STPG2: variants seen among roughly 807,000 people sequenced by gnomAD.
STPG2 encodes the protein sperm tail PG-rich repeat containing 2, also known as sperm-tail PG-rich repeat-containing protein 2.
A neutral mutation model predicts 54.2 loss-of-function variants in STPG2; 56 were observed. That is an observed-to-expected ratio of 1.03 (90% CI 0.83 to 1.29). The LOEUF (loss-of-function observed/expected upper bound fraction) is 1.29, where lower values mean the gene tolerates loss of function less well. STPG2 is among the 50% of genes most tolerant of loss of function. The pLI is 0.00. For synonymous variants in STPG2, 200 were observed against 181.8 expected (o/e 1.10, Z -0.81); for missense variants, 596 against 544.9 (o/e 1.09, Z -0.93).
chr4:97,627,050 C>T (rs1734154216), intron 10 of STPG2, among the ~76,000 whole-genome samples: 2 of 152,046 alleles, frequency 1.3e-5, no homozygotes, highest in South Asian at 4.1e-4. Flanking sequence ...CATGCTCTAC[C>T]AAATCCAACA....
chr4:97,973,696 C>T (rs909239273), intron 6 of STPG2, among the ~76,000 whole-genome samples: 1 of 152,174 alleles, frequency 6.6e-6, no homozygotes, highest in Non-Finnish European at 1.5e-5. Context: ...CGACTTGGTG[C>T]CTTGCATCCC....
intron 8 of STPG2, among the ~76,000 whole-genome samples, chr4:97,888,091 C>T (rs1212744023): frequency 4.6e-5 from 7 of 152,218 alleles, no homozygotes; most frequent in Non-Finnish European, 1.0e-4. Context: ...ATGGAAAAGC[C>T]CTGGTGTCCA....
intron 5 of STPG2, among the ~76,000 whole-genome samples, chr4:98,019,136 C>G (rs1414216082): frequency 2.0e-5 from 3 of 152,056 alleles, no homozygotes; most frequent in Non-Finnish European, 2.9e-5. Context: ...TTCTTCTAGA[C>G]TTTTTATGGT....
intron 4 of STPG2, among the ~76,000 whole-genome samples, chr4:97,474,139 C>T (rs939492605): frequency 2.0e-5 from 3 of 151,842 alleles, no homozygotes; most frequent in African/African-American, 7.3e-5. Flanking sequence ...AAATGTACTA[C>T]TATGGTCTAG....
chr4:97,912,884 G>C (rs1242855152), intron 8 of STPG2, among the ~76,000 whole-genome samples: 1 of 152,102 alleles, frequency 6.6e-6, no homozygotes, highest in East Asian at 1.9e-4. Context: ...AAATAATTTT[G>C]ACCTACCATA....
intron 9 of STPG2, among the ~76,000 whole-genome samples, chr4:97,765,999 G>A (rs1227777780): frequency 6.6e-6 from 1 of 152,052 alleles, no homozygotes; most frequent in East Asian, 1.9e-4. Context: ...TTGCAGAGGT[G>A]GTCAAAGATG....
At chr4:97,739,281 C>T in intron 9 of STPG2, among the ~76,000 whole-genome samples, 1 of 152,040 alleles carries the variant, frequency 6.6e-6, no homozygotes, top group South Asian at 2.1e-4. Context: ...AAAATTGACA[C>T]CCTAACATCA....
intron 5 of STPG2, among the ~76,000 whole-genome samples, chr4:98,096,749 T>C (rs1738871817): frequency 6.6e-6 from 1 of 151,298 alleles, no homozygotes; most frequent in East Asian, 1.9e-4. Flanking sequence ...AAAGAGAAGA[T>C]CCAAATAAAT....
chr4:98,047,472 C>G (rs1409827742), intron 5 of STPG2, among the ~76,000 whole-genome samples: 1 of 152,144 alleles, frequency 6.6e-6, no homozygotes, highest in Non-Finnish European at 1.5e-5. Context: ...AAACGGGGAT[C>G]TAGGAGTTTC....
intron 10 of STPG2, among the ~76,000 whole-genome samples, chr4:97,636,885 G>A (rs1305775440): frequency 2.0e-5 from 3 of 151,584 alleles, no homozygotes; most frequent in Non-Finnish European, 3.0e-5. Context: ...AGGACCAGAT[G>A]GATTCACAGC....
chr4:98,015,607 T>A (rs1735917972), intron 5 of STPG2, among the ~76,000 whole-genome samples: 1 of 152,114 alleles, frequency 6.6e-6, no homozygotes, highest in Admixed American at 6.5e-5. Context: ...ACACTGCTGG[T>A]GGGAGTGTAA....
chr4:97,560,336 T>G (rs1177189740), intron 10 of STPG2, among the ~76,000 whole-genome samples: 1 of 152,148 alleles, frequency 6.6e-6, no homozygotes, highest in Non-Finnish European at 1.5e-5. Context: ...ATTGTAAAAC[T>G]TTGGGTACAG....
In STPG2 at chr4:97,861,344, G is replaced by C. The variant is rs145940350; in HGVS notation, c.1045-20412C>G. Among the ~76,000 whole-genome samples, 22 of 152,102 alleles carry C rather than the reference G, an allele frequency of 1.4e-4. No individual in the cohort carries two copies. The East Asian group carries it at 4.3e-3, about 29-fold the overall frequency. ...TTTTATCCTAAAGATAGCCAATAAC[G>C]AATGCTGGCAATGATGCAGAGAAAA... is the stretch of plus-strand genomic sequence containing the variant. On this transcript the variant is annotated intron_variant, in intron 8 of 10. Transcript: ENST00000295268.
chr4:97,779,370 G>T (rs139345433), intron 9 of STPG2, among the ~76,000 whole-genome samples: 1 of 152,096 alleles, frequency 6.6e-6, no homozygotes, highest in East Asian at 1.9e-4. Flanking sequence ...AGTGAGAAGA[G>T]AAGTTTAGAG....
At chr4:98,088,501 C>T (rs1359167915) in intron 5 of STPG2, among the ~76,000 whole-genome samples, 2 of 151,886 alleles carry the variant, frequency 1.3e-5, no homozygotes, top group African/African-American at 4.8e-5. Flanking sequence ...GAACAAAATA[C>T]TCACTTCAAT....
chr4:97,949,125 T>C (rs184212661), intron 7 of STPG2, among the ~76,000 whole-genome samples: 7 of 152,164 alleles, frequency 4.6e-5, no homozygotes, highest in Non-Finnish European at 8.8e-5. Flanking sequence ...AAAATTATAA[T>C]ATCTTCTCGT....
chr4:97,469,040 T>C (rs1465969490), intron 4 of STPG2, among the ~76,000 whole-genome samples: 3 of 152,184 alleles, frequency 2.0e-5, no homozygotes, highest in Non-Finnish European at 2.9e-5. Context: ...GTCTATACAA[T>C]TGAATTAGCT....
intron 9 of STPG2, among the ~76,000 whole-genome samples, chr4:97,734,258 A>G (rs1724899308): frequency 6.7e-6 from 1 of 148,968 alleles, no homozygotes; most frequent in South Asian, 2.1e-4. Flanking sequence ...TTTATCACTT[A>G]GCTAATTATT....
At chr4:97,537,030 G>C (rs887170771) in intron 4 of STPG2, among the ~76,000 whole-genome samples, 4 of 152,076 alleles carry the variant, frequency 2.6e-5, no homozygotes, top group Admixed American at 1.3e-4. Flanking sequence ...CTGTTTCCAG[G>C]TTTAGAATTC....
Sources: gnomAD v4.1 joint callset for allele counts (sites outside exome capture counted in the v4.1 genomes callset) on GRCh38, gnomAD v4.1.1 for gene constraint, MANE v1.5 for transcripts, NCBI Gene and HGNC (gene_info 2026-07-23, HGNC 2026-07-21) for gene names.